Variants in KLHL29 observed in about 807,000 individuals in gnomAD.
The protein encoded by KLHL29 is kelch like family member 29.
In KLHL29, 21 loss-of-function variants were observed where a neutral mutation model predicts 80.4. The observed-to-expected ratio is 0.26, with a 90% confidence interval of 0.19 to 0.38. The LOEUF is 0.38. KLHL29 is among the 10% of genes least tolerant of loss of function. The pLI is 1.00. For synonymous variants in KLHL29, 511 were observed against 526.8 expected, an observed-to-expected ratio of 0.97 and a Z score of 0.41; for missense variants, 867 against 1,223.9, an observed-to-expected ratio of 0.71 and a Z score of 4.35.
At chr2:23,408,303 T>TAAAAAAAA (rs1666782136) in intron 1 of KLHL29, among the ~76,000 whole-genome samples, 1 of 94,814 alleles carries the variant, frequency 1.1e-5, no homozygotes, top group Non-Finnish European at 2.4e-5. Context: ...AAAAAAAAAT[T>TAAAAAAAA]GAGTTTTTTT....
In KLHL29 at chr2:23,684,153, T is replaced by C. The variant is rs1175811270; in HGVS notation, c.941-246T>C. 2.0e-5 allele frequency among the ~76,000 whole-genome samples: 3 copies of C among 152,224 alleles called. No homozygotes were observed. The highest frequency in any genetic ancestry group is 6.5e-5 in the Admixed American group (1 of 15,290). ...TTTCTGGGTTTGATTTTTTGTATCA[T>C]ATTTGGTTTTTTTGCTTTTTAAAGT... On this transcript the variant is annotated intron_variant, in intron 5 of 13. Transcript: ENST00000486442. This position sits in a 1 kb window ranked among gnomAD's most constrained non-coding sequence, Gnocchi z 4.4.
chr2:23,699,369 A>G (rs1470158543), intron 11 of KLHL29, among the ~76,000 whole-genome samples: 1 of 152,226 alleles, frequency 6.6e-6, no homozygotes, highest in Non-Finnish European at 1.5e-5. Flanking sequence ...AACAGTGAGC[A>G]GCATGGTGGG....
chr2:23,626,722 G>A (rs1669318025), intron 3 of KLHL29, among the ~76,000 whole-genome samples: 1 of 152,234 alleles, frequency 6.6e-6, no homozygotes, highest in Admixed American at 6.5e-5. Context: ...CCGCCGCCCT[G>A]CCTGCGTGGA....
chr2:23,558,228 C>T (rs1409963847), intron 2 of KLHL29, among the ~76,000 whole-genome samples: 1 of 152,124 alleles, frequency 6.6e-6, no homozygotes, highest in African/African-American at 2.4e-5. Flanking sequence ...CATTAGGATC[C>T]AACCCTAGGG....
intron 3 of KLHL29, among the ~76,000 whole-genome samples, chr2:23,569,807 G>C (rs1709323): frequency 6.6e-6 from 1 of 152,106 alleles, no homozygotes; most frequent in African/African-American, 2.4e-5. Flanking sequence ...CAGTTAGCTT[G>C]ATTTCATTGA....
intron 1 of KLHL29, among the ~76,000 whole-genome samples, chr2:23,437,830 T>C (rs1237082066): frequency 1.3e-5 from 2 of 152,252 alleles, no homozygotes; most frequent in Non-Finnish European, 2.9e-5. Flanking sequence ...AAAGTAGTTT[T>C]TTCCAATTCT....
intron 5 of KLHL29, among the ~76,000 whole-genome samples, chr2:23,676,955 GA>G (rs1178796493): frequency 6.6e-6 from 1 of 152,140 alleles, no homozygotes; most frequent in East Asian, 1.9e-4. Flanking sequence ...GTGAATCTGT[GA>G]CTAGATCTAG....
chr2:23,695,874 G>C lies in KLHL29; in HGVS notation c.1741+53G>C. On this transcript the variant is annotated intron_variant, in intron 9 of 13. Coordinates refer to ENST00000486442, the MANE Select transcript of KLHL29 (RefSeq NM_052920.2). This position sits in a 1 kb window ranked among gnomAD's most constrained non-coding sequence, Gnocchi z 7.6. ...CAAGAAGCAGTGTCTTGGGCTCAGTGGTTCCAGTGAGGTGCCAGGCACAGA... is the reference window on the plus strand; with the variant it reads ...CAAGAAGCAGTGTCTTGGGCTCAGTCGTTCCAGTGAGGTGCCAGGCACAGA... The C allele has an allele frequency of 6.5e-7, 1 of 1,535,376 alleles. No homozygotes were observed. Among genetic ancestry groups the C allele is most frequent in the Middle Eastern group, 1.7e-4 (1 of 5,918 alleles).
chr2:23,498,007 G>A (rs1250747770), intron 2 of KLHL29, among the ~76,000 whole-genome samples: 2 of 151,638 alleles, frequency 1.3e-5, no homozygotes, highest in Non-Finnish European at 2.9e-5. Context: ...ACAATGTTTT[G>A]ATAAACTTAT....
At chr2:23,548,252 AACAC>A (rs1286078870) in intron 2 of KLHL29, among the ~76,000 whole-genome samples, 2 of 151,994 alleles carry the variant, frequency 1.3e-5, no homozygotes, top group East Asian at 1.9e-4. Flanking sequence ...GGACCCTGTG[AACAC>A]ACACAGGCAC....
chr2:23,679,967 G>C (rs563351930), intron 5 of KLHL29, among the ~76,000 whole-genome samples: 18 of 152,312 alleles, frequency 1.2e-4, no homozygotes, highest in Non-Finnish European at 1.0e-4. Flanking sequence ...GGGGAGCAAA[G>C]GGTCCCCTGG....
At chr2:23,670,903 A>C (rs1373172261) in intron 5 of KLHL29, among the ~76,000 whole-genome samples, 2 of 118,954 alleles carry the variant, frequency 1.7e-5, no homozygotes, top group Non-Finnish European at 3.6e-5. Context: ...AGGGGTCTCT[A>C]CACACATGCA....
At chr2:23,464,203 A>G (rs1467092174) in intron 1 of KLHL29, among the ~76,000 whole-genome samples, 3 of 152,346 alleles carry the variant, frequency 2.0e-5, no homozygotes, top group Admixed American at 2.0e-4. Context: ...ATTCCATCCA[A>G]GTAATCAGAG....
At chr2:23,460,158 T>A (rs1432803875) in intron 1 of KLHL29, among the ~76,000 whole-genome samples, 1 of 152,260 alleles carries the variant, frequency 6.6e-6, no homozygotes, top group Non-Finnish European at 1.5e-5. Context: ...GTAGGATATT[T>A]ATTATGAGCA....
chr2:23,592,564 G>A (rs979033390), intron 3 of KLHL29, among the ~76,000 whole-genome samples: 22 of 152,250 alleles, frequency 1.4e-4, no homozygotes. Context: ...GGCCCTGCCA[G>A]GCTGGCTGCA....
At chr2:23,434,406 C>G (rs1420904580) in intron 1 of KLHL29, among the ~76,000 whole-genome samples, 1 of 9,644 alleles carries the variant, frequency 1.0e-4, no homozygotes, top group Non-Finnish European at 1.7e-4. Flanking sequence ...AAGTGCAGAG[C>G]CTTGGTTCCC....
chr2:23,661,201 G>A (rs542008371), intron 5 of KLHL29, among the ~76,000 whole-genome samples: 1 of 152,254 alleles, frequency 6.6e-6, no homozygotes, highest in East Asian at 1.9e-4. Flanking sequence ...ATTTAGCTGG[G>A]TATGGTGGCA....
intron 2 of KLHL29, among the ~76,000 whole-genome samples, chr2:23,541,790 A>G (rs998977185): frequency 6.8e-6 from 1 of 147,162 alleles, no homozygotes; most frequent in African/African-American, 2.5e-5. Context: ...AAAAAACCAT[A>G]AAACTGGTGC....
chr2:23,536,916 A>ACTCT (rs1187760259), intron 2 of KLHL29, among the ~76,000 whole-genome samples: 15 of 52,656 alleles, frequency 2.8e-4, no homozygotes, highest in African/African-American at 1.2e-3. Flanking sequence ...ACACACACAC[A>ACTCT]CACTCTCTCT....
Sources: allele counts gnomAD v4.1 joint callset (sites outside exome capture counted in the v4.1 genomes callset), GRCh38; gene constraint gnomAD v4.1.1; non-coding constraint Gnocchi (gnomAD v3.1); transcripts MANE v1.5; gene names NCBI Gene and HGNC (gene_info 2026-07-23, HGNC 2026-07-21).